PLCG2: variants seen among roughly 807,000 people sequenced by gnomAD.
PLCG2 encodes 1-phosphatidylinositol 4,5-bisphosphate phosphodiesterase gamma-2.
Under a neutral mutation model 175.6 loss-of-function variants are expected in PLCG2, and 69 were observed. That is an observed-to-expected ratio of 0.39 (90% CI 0.32 to 0.48). The LOEUF (loss-of-function observed/expected upper bound fraction) is 0.48. Among genes scored for constraint, PLCG2 ranks in the 20% least tolerant of loss-of-function variants. The probability of loss-of-function intolerance (pLI) is 0.91; values close to 1 mark genes in which losing one functional copy is unlikely to be tolerated. For missense variants in PLCG2, 1,798 were observed against 1,650.9 expected (o/e 1.09, Z -1.54); for synonymous variants, 827 against 624.0 (o/e 1.33, Z -4.85).
intron 1 of PLCG2, among the ~76,000 whole-genome samples, chr16:81,752,146 G>C (rs1909824980): frequency 6.6e-6 from 1 of 152,190 alleles, no homozygotes; most frequent in South Asian, 2.1e-4. Context: ...TGAGCCTGCT[G>C]AGTGCTGGGT....
intron 13 of PLCG2, among the ~76,000 whole-genome samples, 194 bp downstream of exon 13, chr16:81,896,121 A>T (rs1908874787): frequency 6.6e-6 from 1 of 152,056 alleles, no homozygotes; most frequent in East Asian, 1.9e-4. Context: ...CCGAGAGTGC[A>T]AGTTGCTCCC....
At chr16:81,838,196 A>G (rs575917559) in intron 2 of PLCG2, among the ~76,000 whole-genome samples, 2 of 151,784 alleles carry the variant, frequency 1.3e-5, no homozygotes, top group East Asian at 3.9e-4. Flanking sequence ...CTCTTGCCTC[A>G]ACCTCCCAGC....
At chr16:81,943,098 T>C (rs1174188522) in intron 30 of PLCG2, among the ~76,000 whole-genome samples, 1 of 152,096 alleles carries the variant, frequency 6.6e-6, no homozygotes, top group Non-Finnish European at 1.5e-5. Flanking sequence ...GCTATTGGAG[T>C]GTAGGGGCTA....
chr16:81,847,524 C>G (rs988696325), intron 2 of PLCG2, among the ~76,000 whole-genome samples: 2 of 152,018 alleles, frequency 1.3e-5, no homozygotes, highest in African/African-American at 4.8e-5. Flanking sequence ...GCCCCCAGCC[C>G]TACAAAAAGA....
At chr16:81,902,528 T>C (rs562107839) in intron 14 of PLCG2, among the ~76,000 whole-genome samples, 37 of 152,268 alleles carry the variant, frequency 2.4e-4, no homozygotes. Context: ...GACATGGAGA[T>C]ATCTTTGGCC....
chr16:81,942,486 GGAGGC>G (rs1910984893), intron 30 of PLCG2, among the ~76,000 whole-genome samples: 1 of 152,172 alleles, frequency 6.6e-6, no homozygotes, highest in African/African-American at 2.4e-5. Context: ...AGAATGAACA[GGAGGC>G]ATTGAGGGTC....
intron 2 of PLCG2, among the ~76,000 whole-genome samples, chr16:81,843,983 CT>C (rs747447593): frequency 3.7e-4 from 53 of 143,272 alleles, no homozygotes; most frequent in Admixed American, 3.5e-4. Flanking sequence ...TTCTTTCTTT[CT>C]TTTTTTTTTT....
intron 2 of PLCG2, among the ~76,000 whole-genome samples, chr16:81,809,183 C>A (rs181876143): frequency 2.8e-4 from 42 of 152,234 alleles, no homozygotes; most frequent in Non-Finnish European, 4.9e-4. Flanking sequence ...CTGACCTTAT[C>A]CCCTCAGCAC....
At chr16:81,870,743 C>T (rs1907472486) in intron 6 of PLCG2, 109 bp from the exon 7 acceptor site, 1 of 586,728 alleles carries the variant, frequency 1.7e-6, no homozygotes, top group Admixed American at 3.4e-5. Context: ...TTCAGCATGC[C>T]AATAAAATAG....
At position 81,962,541 on chromosome 16, in the gene PLCG2, G is replaced by A. The variant is rs1413020621; in HGVS notation, c.*4543G>A. 2 of 217,544 alleles carry A rather than the reference G, an allele frequency of 9.2e-6. No homozygotes were observed. The highest frequency in any genetic ancestry group is 2.2e-5 in the African/African-American group (1 of 44,536). The allele number at this position is 217,544 out of a possible 1,614,324, so 13.5% of individuals were successfully genotyped here. A position where few individuals can be genotyped will look rare whatever the true frequency, so the allele number is the denominator to read the frequency against. ...TGTAAACTTGTGTTTCATTATTAAA[G>A]CTTAATTTATTTTTTATATAAATAG... On this transcript the variant is annotated 3_prime_UTR_variant, in exon 33 of 33. Transcript: ENST00000564138.
At chr16:81,801,158 G>A (rs549766071) in intron 2 of PLCG2, among the ~76,000 whole-genome samples, 29 of 152,276 alleles carry the variant, frequency 1.9e-4, no homozygotes, top group African/African-American at 3.1e-4. Flanking sequence ...ATTCAGTAGC[G>A]TAGCGATTGA....
upstream of PLCG2, among the ~76,000 whole-genome samples, chr16:81,777,344 T>C (rs1910435363): frequency 6.6e-6 from 1 of 150,716 alleles, no homozygotes; most frequent in African/African-American, 2.4e-5. Flanking sequence ...TATACATATA[T>C]ATGACTGAAC....
At chr16:81,744,723 C>G (rs1185880129) in intron 1 of PLCG2, among the ~76,000 whole-genome samples, 2 of 152,040 alleles carry the variant, frequency 1.3e-5, no homozygotes, top group Non-Finnish European at 2.9e-5. Context: ...AGGCATGGGT[C>G]ACCATACCCA....
At chr16:81,928,651 G>A in intron 24 of PLCG2, 27 bp downstream of exon 24, 2 of 1,500,554 alleles carry the variant, frequency 1.3e-6, no homozygotes, top group African/African-American at 1.4e-5. Flanking sequence ...TCTTAGCCTG[G>A]ATTTCCACCC....
chr16:81,874,542 C>G (rs1341391775), intron 7 of PLCG2, among the ~76,000 whole-genome samples: 1 of 152,180 alleles, frequency 6.6e-6, no homozygotes, highest in Non-Finnish European at 1.5e-5. Flanking sequence ...CTTCCTGTTC[C>G]TGGCTGGAAG....
At chr16:81,901,209 T>C (rs1909137391) in intron 14 of PLCG2, among the ~76,000 whole-genome samples, 1 of 151,126 alleles carries the variant, frequency 6.6e-6, no homozygotes, top group Non-Finnish European at 1.5e-5. Context: ...TTCCTGTGAT[T>C]GCAGCTTCCA....
Position 81,870,783 on chromosome 16 carries a change from A to G in PLCG2, c.565-69A>G, listed in dbSNP as rs1907475758. ...CCATTTCTGAAACAAAAATTATTCTATAAATAGCATGGAGCCATTCTTACG... is the reference window on the plus strand; with the variant it reads ...CCATTTCTGAAACAAAAATTATTCTGTAAATAGCATGGAGCCATTCTTACG... On this transcript the variant is annotated intron_variant, in intron 6 of 32. Transcript: ENST00000564138. The G allele has an allele frequency of 8.8e-6, 7 of 794,632 alleles. No individual in the cohort carries two copies. In the South Asian group the frequency reaches 1.0e-4, roughly 11 times the overall value. 49.2% of individuals were successfully genotyped at this position (794,632 alleles called of 1,614,324 possible). A position where few individuals can be genotyped will look rare whatever the true frequency, so the allele number is the denominator to read the frequency against.
chr16:81,830,430 C>A (rs1160415768), intron 2 of PLCG2, among the ~76,000 whole-genome samples: 1 of 152,118 alleles, frequency 6.6e-6, no homozygotes, highest in East Asian at 1.9e-4. Context: ...CCTCAGCCTT[C>A]CAAGTAGCTG....
At position 81,786,133 on chromosome 16, in the gene PLCG2, G is replaced by A; in HGVS notation, c.144G>A (p.Glu48=). The A allele has an allele frequency of 1.9e-6, 3 of 1,614,228 alleles. No individual in the cohort carries two copies. Among genetic ancestry groups the A allele is most frequent in the Non-Finnish European group, 2.5e-6 (3 of 1,180,042 alleles). The change falls in exon 2 of 33, where the codon GAG becomes GAA. Residue 48 remains glutamate (E), a synonymous_variant. Coordinates refer to ENST00000564138, the MANE Select transcript of PLCG2 (RefSeq NM_002661.5). Reference sequence around the variant, plus strand: ...GGAGAACCGTCCAGGTGATCATGGAGACGCGGCAGGTGGCCTGGAGCAAGA... The same window carrying A: ...GGAGAACCGTCCAGGTGATCATGGAAACGCGGCAGGTGGCCTGGAGCAAGA... ...PERRTVQVIM[E]TRQVAWSKTA...
Sources: gnomAD v4.1 joint callset for allele counts (sites outside exome capture counted in the v4.1 genomes callset) on GRCh38, gnomAD v4.1.1 for gene constraint, MANE v1.5 for transcripts, NCBI Gene and HGNC (gene_info 2026-07-23, HGNC 2026-07-21) for gene names.